Variants in SLC68A1 observed in about 807,000 individuals in gnomAD.
The protein encoded by SLC68A1 is major facilitator superfamily domain containing 13A.
the SLC68A1 span, among the ~76,000 whole-genome samples, chr10:102,467,678 CTG>C: frequency 6.6e-6 from 1 of 151,710 alleles, no homozygotes; most frequent in South Asian, 2.1e-4. Context: ...CTTTTTGAGA[CTG>C]AGTTTCGCTC....
chr10:102,468,907 A>G, the SLC68A1 span: 3 of 755,642 alleles, frequency 4.0e-6, no homozygotes, highest in Admixed American at 5.6e-5. Context: ...GGGGTTAAGA[A>G]CAGAGCTGGC....
the SLC68A1 span, among the ~76,000 whole-genome samples, chr10:102,468,045 A>T: frequency 8.1e-5 from 12 of 147,948 alleles, no homozygotes; most frequent in Non-Finnish European, 1.1e-4. Context: ...AAAAAAAAAA[A>T]TGCCTGTCCT....
At chr10:102,474,447 G>A in the SLC68A1 span, among the ~76,000 whole-genome samples, 40 of 152,236 alleles carry the variant, frequency 2.6e-4, no homozygotes, top group Admixed American at 1.8e-3. Context: ...AGGCCTCTCC[G>A]AGAAGGTGCC....
chr10:102,473,640 C>T, the SLC68A1 span: 79 of 1,614,146 alleles, frequency 4.9e-5, no homozygotes, highest in East Asian at 1.4e-3. Context: ...GGGGCGTCTA[C>T]GCGGTGGTGC....
the SLC68A1 span, chr10:102,469,713 A>C: frequency 3.1e-6 from 1 of 324,782 alleles, no homozygotes; most frequent in African/African-American, 2.2e-5. Context: ...CGCCCGGCTA[A>C]TTTTTGTATT....
the SLC68A1 span, chr10:102,471,303 T>C: frequency 1.9e-6 from 3 of 1,613,794 alleles, no homozygotes; most frequent in African/African-American, 1.3e-5. Flanking sequence ...TTGTAGGCAG[T>C]GAGGAGGCGG....
At chr10:102,469,331 A>G in the SLC68A1 span, 1 of 822,634 alleles carries the variant, frequency 1.2e-6, no homozygotes, top group Non-Finnish European at 2.0e-6. Context: ...TTGTTCACCA[A>G]GACTCATCAA....
At chr10:102,472,771 G>A in the SLC68A1 span, 2 of 979,760 alleles carry the variant, frequency 2.0e-6, no homozygotes, top group South Asian at 1.3e-5. Flanking sequence ...GAGTTGGGGG[G>A]GATGTGTGTT....
chr10:102,476,151 A>C, the SLC68A1 span: 1 of 1,219,202 alleles, frequency 8.2e-7, no homozygotes, highest in East Asian at 2.9e-5. Flanking sequence ...GCTCACTGAA[A>C]CCACCACCCA....
chr10:102,473,606 A>G, the SLC68A1 span: 1 of 1,612,984 alleles, frequency 6.2e-7, no homozygotes, highest in Non-Finnish European at 8.5e-7. Context: ...AACAACCTCT[A>G]CTTCCTGTCC....
chr10:102,476,891 C>T, the SLC68A1 span: 3 of 985,518 alleles, frequency 3.0e-6, no homozygotes, highest in Non-Finnish European at 3.6e-6. Flanking sequence ...CCACTCCGTC[C>T]ACCCTTCTAG....
the SLC68A1 span, among the ~76,000 whole-genome samples, chr10:102,472,452 C>T: frequency 0.022 from 3,347 of 152,020 alleles, 63 homozygotes; most frequent in South Asian, 0.12. Context: ...TTAGTAGAGA[C>T]GGGGTTTCGC....
the SLC68A1 span, chr10:102,468,767 C>T: frequency 1.4e-5 from 5 of 361,106 alleles, no homozygotes; most frequent in East Asian, 9.8e-5. Flanking sequence ...TCTGTTTCCT[C>T]GAGTCACTCC....
At chr10:102,468,765 C>A in the SLC68A1 span, 1 of 356,170 alleles carries the variant, frequency 2.8e-6, no homozygotes, top group East Asian at 5.0e-5. Context: ...TCTCTGTTTC[C>A]TCGAGTCACT....
chr10:102,473,623 CG>C, the SLC68A1 span: 1 of 1,613,986 alleles, frequency 6.2e-7, no homozygotes, highest in Non-Finnish European at 8.5e-7. Flanking sequence ...GTCCCTGTGC[CG>C]GCGCTGGGGC....
the SLC68A1 span, chr10:102,473,497 C>G: frequency 6.9e-7 from 1 of 1,457,192 alleles, no homozygotes; most frequent in African/African-American, 1.4e-5. Context: ...ATGCAGTCGG[C>G]TGTGAAGCTG....
chr10:102,471,954 G>T, the SLC68A1 span: 1 of 451,014 alleles, frequency 2.2e-6, no homozygotes, highest in Non-Finnish European at 4.5e-6. Context: ...GTAAAGTGAG[G>T]ATATGAGACA....
At chr10:102,469,173 C>T in the SLC68A1 span, 1 of 1,614,020 alleles carries the variant, frequency 6.2e-7, no homozygotes. Flanking sequence ...ACAAGATCAA[C>T]AAAATGGCCT....
chr10:102,472,274 TTTC>T, the SLC68A1 span: 47 of 294,182 alleles, frequency 1.6e-4, no homozygotes, highest in Non-Finnish European at 2.7e-4. Context: ...TGTGTTTTCT[TTTC>T]TTTTTTTTTT....
Sources: gnomAD v4.1 joint callset for allele counts (sites outside exome capture counted in the v4.1 genomes callset) on GRCh38, gnomAD v4.1.1 for gene constraint, MANE v1.5 for transcripts, NCBI Gene and HGNC (gene_info 2026-07-23, HGNC 2026-07-21) for gene names.